CADPS: variants seen among roughly 807,000 people sequenced by gnomAD.
The protein encoded by CADPS is calcium dependent secretion activator.
In CADPS, 57 loss-of-function variants were observed where a neutral mutation model predicts 167.3. That is an observed-to-expected ratio of 0.34 (90% CI 0.28 to 0.42). The LOEUF (loss-of-function observed/expected upper bound fraction) is 0.42. CADPS is among the 20% of genes least tolerant of loss of function. The probability of loss-of-function intolerance (pLI) is 1.00; values close to 1 mark genes in which losing one functional copy is unlikely to be tolerated. For synonymous variants in CADPS, 676 were observed against 635.3 expected (o/e 1.06, Z -0.96); for missense variants, 1,414 against 1,738.1 (o/e 0.81, Z 3.32).
At chr3:62,855,569 A>G (rs1577395164) in intron 1 of CADPS, among the ~76,000 whole-genome samples, 1 of 152,172 alleles carries the variant, frequency 6.6e-6, no homozygotes, top group South Asian at 2.1e-4. Context: ...GAGTAGCTTA[A>G]AACTATTTAG....
intron 1 of CADPS, among the ~76,000 whole-genome samples, chr3:62,831,344 A>G (rs1430637576): frequency 1.3e-5 from 2 of 152,178 alleles, no homozygotes; most frequent in Non-Finnish European, 2.9e-5. Flanking sequence ...AGACACTATC[A>G]TATCTAGGCA....
chr3:62,512,877 T>C (rs2068135022), intron 16 of CADPS, 109 bp from the exon 17 acceptor site: 3 of 831,780 alleles, frequency 3.6e-6, no homozygotes, highest in Admixed American at 2.9e-5. Flanking sequence ...GTGTGATACA[T>C]GATATTGGAA....
At chr3:62,733,330 T>C (rs149963522) in intron 3 of CADPS, among the ~76,000 whole-genome samples, 29 of 152,244 alleles carry the variant, frequency 1.9e-4, no homozygotes, top group African/African-American at 6.5e-4. Context: ...AGAGCGTCTA[T>C]GGATGCTTCA....
chr3:62,842,726 T>G (rs922267202), intron 1 of CADPS, among the ~76,000 whole-genome samples: 1 of 152,178 alleles, frequency 6.6e-6, no homozygotes, highest in Non-Finnish European at 1.5e-5. Context: ...TACAAGGTGA[T>G]AGAGAGCCAG....
At chr3:62,440,196 T>C (rs2056020708) in intron 27 of CADPS, 2 of 152,170 alleles carry the variant, frequency 1.3e-5, no homozygotes, top group African/African-American at 4.8e-5. Flanking sequence ...ATGGACAAAT[T>C]CAAGAATGAA....
chr3:62,570,014 T>C (rs952090829), intron 9 of CADPS, among the ~76,000 whole-genome samples: 1 of 152,216 alleles, frequency 6.6e-6, no homozygotes, highest in African/African-American at 2.4e-5. Flanking sequence ...GACTAATGTA[T>C]TAACATCAAT....
At chr3:62,711,872 G>T (rs572974322) in intron 3 of CADPS, among the ~76,000 whole-genome samples, 2 of 152,230 alleles carry the variant, frequency 1.3e-5, no homozygotes, top group East Asian at 3.9e-4. Flanking sequence ...TCCCATCGTG[G>T]CTACTCAACA....
intron 28 of CADPS, among the ~76,000 whole-genome samples, chr3:62,429,476 A>C (rs1007464365): frequency 5.9e-5 from 9 of 152,222 alleles, no homozygotes; most frequent in African/African-American, 2.2e-4. Flanking sequence ...TTGATAGCCT[A>C]TCTGGAGCCC....
chr3:62,564,032 C>T (rs1378560163), intron 9 of CADPS, among the ~76,000 whole-genome samples: 1 of 151,962 alleles, frequency 6.6e-6, no homozygotes, highest in Non-Finnish European at 1.5e-5. Flanking sequence ...GACAAATTCT[C>T]GCTCTGTCAC....
chr3:62,682,533 C>A (rs1209586110), intron 3 of CADPS, among the ~76,000 whole-genome samples: 5 of 151,990 alleles, frequency 3.3e-5, no homozygotes, highest in African/African-American at 9.7e-5. Flanking sequence ...CAAACTAGTC[C>A]ATTTGAATAC....
At chr3:62,611,161 T>A (rs2061451319) in intron 6 of CADPS, among the ~76,000 whole-genome samples, 1 of 152,088 alleles carries the variant, frequency 6.6e-6, no homozygotes, top group Non-Finnish European at 1.5e-5. Context: ...GCTTCTGATC[T>A]TCCCCATCCC....
At chr3:62,466,614 G>C in intron 24 of CADPS, 1 of 625,848 alleles carries the variant, frequency 1.6e-6, no homozygotes, top group South Asian at 1.7e-5. Context: ...ATATTACCAA[G>C]TTCATTGTTC....
intron 12 of CADPS, 116 bp downstream of exon 12, chr3:62,536,329 T>A: frequency 1.1e-6 from 1 of 885,720 alleles, no homozygotes; most frequent in Non-Finnish European, 1.7e-6. Context: ...AACACATTTA[T>A]AATTGTTAAA....
chr3:62,581,903 G>T (rs1463744444), intron 8 of CADPS, among the ~76,000 whole-genome samples: 3 of 152,096 alleles, frequency 2.0e-5, no homozygotes, highest in Non-Finnish European at 4.4e-5. Flanking sequence ...ATGAAAATTA[G>T]AAAGGCATCT....
At chr3:62,799,498 C>T (rs1336640805) in intron 1 of CADPS, among the ~76,000 whole-genome samples, 1 of 152,106 alleles carries the variant, frequency 6.6e-6, no homozygotes, top group Non-Finnish European at 1.5e-5. Flanking sequence ...TAACTTGTTT[C>T]CTCTATGGAA....
intron 3 of CADPS, among the ~76,000 whole-genome samples, chr3:62,689,315 TG>T (rs1458240766): frequency 7.9e-5 from 12 of 152,048 alleles, no homozygotes; most frequent in African/African-American, 1.2e-4. Context: ...TAAGAGGAAA[TG>T]TGAATCTAAA....
intron 6 of CADPS, among the ~76,000 whole-genome samples, chr3:62,632,846 C>T (rs2065551212): frequency 6.6e-6 from 1 of 151,992 alleles, no homozygotes; most frequent in Admixed American, 6.6e-5. Flanking sequence ...CACGTCTCTG[C>T]TAAAGTGGAA....
chr3:62,854,800 AAT>A (rs1270721102), intron 1 of CADPS, among the ~76,000 whole-genome samples: 2 of 152,010 alleles, frequency 1.3e-5, no homozygotes, highest in African/African-American at 2.4e-5. Context: ...GTAAAATTAA[AAT>A]AGAGATGGAG....
chr3:62,702,354 T>C (rs2081547398), intron 3 of CADPS, among the ~76,000 whole-genome samples: 1 of 152,140 alleles, frequency 6.6e-6, no homozygotes, highest in Non-Finnish European at 1.5e-5. Context: ...TCAAGGAGCA[T>C]GAAGACCAAG....
Sources: allele counts gnomAD v4.1 joint callset (sites outside exome capture counted in the v4.1 genomes callset), GRCh38; gene constraint gnomAD v4.1.1; transcripts MANE v1.5; gene names NCBI Gene and HGNC (gene_info 2026-07-23, HGNC 2026-07-21).